The following MAGI2 variants were observed in gnomAD, a reference collection of about 807,000 sequenced individuals.
MAGI2 encodes the protein membrane-associated guanylate kinase, WW and PDZ domain-containing protein 2.
MAGI2 carries 35 observed loss-of-function variants against 133.3 expected under a neutral mutation model. The ratio of observed to expected loss-of-function variants is 0.26; its 90% CI spans 0.20 to 0.35. The LOEUF is 0.35. Among genes scored for constraint, MAGI2 ranks in the 10% least tolerant of loss-of-function variants. MAGI2 has a pLI of 1.00. For synonymous variants in MAGI2, 729 were observed against 710.6 expected (o/e 1.03, Z -0.41); for missense variants, 1,636 against 1,863.4 (o/e 0.88, Z 2.25).
intron 2 of MAGI2, among the ~76,000 whole-genome samples, chr7:78,793,206 G>C (rs1787319654): frequency 6.6e-6 from 1 of 152,326 alleles, no homozygotes; most frequent in East Asian, 1.9e-4. Context: ...GGGTGTAGAG[G>C]AGAGACTCCA....
intron 3 of MAGI2, chr7:78,614,654 T>C (rs1287070628): frequency 1.3e-5 from 2 of 152,340 alleles, no homozygotes; most frequent in Admixed American, 6.5e-5. Context: ...ATAGAATGCA[T>C]TTCTGATATA....
chr7:79,411,862 A>T (rs1039572058), intron 1 of MAGI2: 2 of 152,004 alleles, frequency 1.3e-5, no homozygotes, highest in Non-Finnish European at 2.9e-5. Flanking sequence ...GAAAGGAAAA[A>T]TTGAATACTA....
At chr7:79,048,161 T>C (rs78469578) in intron 1 of MAGI2, among the ~76,000 whole-genome samples, 4,187 of 152,246 alleles carry the variant, frequency 0.028, 198 homozygotes, top group African/African-American at 0.096. Context: ...CACTTGTGGG[T>C]TAATTTATAA....
At chr7:78,089,072 C>A (rs778993514) in intron 20 of MAGI2, among the ~76,000 whole-genome samples, 1 of 152,178 alleles carries the variant, frequency 6.6e-6, no homozygotes, top group Non-Finnish European at 1.5e-5. Flanking sequence ...GTTCCTACCC[C>A]AGAGTCTCCA....
At chr7:78,276,133 TCAG>T (rs1367217271) in intron 9 of MAGI2, among the ~76,000 whole-genome samples, 1 of 152,154 alleles carries the variant, frequency 6.6e-6, no homozygotes, top group Non-Finnish European at 1.5e-5. Context: ...AAAAATACAG[TCAG>T]CAGATCATAA....
chr7:79,310,318 G>A (rs2129560579), intron 1 of MAGI2, among the ~76,000 whole-genome samples: 1 of 151,608 alleles, frequency 6.6e-6, no homozygotes, highest in South Asian at 2.1e-4. Flanking sequence ...AGGGATGAAA[G>A]AACATAAGGC....
chr7:78,526,430 A>G (rs540879506), intron 3 of MAGI2, among the ~76,000 whole-genome samples: 37 of 152,348 alleles, frequency 2.4e-4, no homozygotes, highest in African/African-American at 8.4e-4. Context: ...ACTTGTGAAG[A>G]ATCATCTATA....
chr7:78,226,829 A>G (rs867789299), intron 10 of MAGI2, among the ~76,000 whole-genome samples: 3 of 152,348 alleles, frequency 2.0e-5, no homozygotes, highest in Middle Eastern at 6.8e-3. Flanking sequence ...TCAGATTGAC[A>G]CTTTTAACAG....
At chr7:78,986,500 C>T (rs1805276140) in intron 2 of MAGI2, among the ~76,000 whole-genome samples, 1 of 151,390 alleles carries the variant, frequency 6.6e-6, no homozygotes, top group Non-Finnish European at 1.5e-5. Flanking sequence ...TTTTTTTTTC[C>T]AATCTAGTAG....
At chr7:78,734,034 G>C (rs532229466) in intron 2 of MAGI2, among the ~76,000 whole-genome samples, 1 of 152,240 alleles carries the variant, frequency 6.6e-6, no homozygotes, top group South Asian at 2.1e-4. Context: ...CAACTATATG[G>C]ATTGAACCTA....
At chr7:79,032,125 G>C (rs1021825387) in intron 1 of MAGI2, among the ~76,000 whole-genome samples, 5 of 152,104 alleles carry the variant, frequency 3.3e-5, no homozygotes, top group African/African-American at 4.8e-5. Flanking sequence ...AGGAAAAATG[G>C]ATGGCAAATG....
At chr7:78,361,090 T>G (rs1038366321) in intron 7 of MAGI2, among the ~76,000 whole-genome samples, 8 of 141,018 alleles carry the variant, frequency 5.7e-5, no homozygotes, top group Non-Finnish European at 1.2e-4. Flanking sequence ...GGGCCTGATT[T>G]GTTAGATTCA....
chr7:78,841,098 C>T (rs1243017167), intron 2 of MAGI2, among the ~76,000 whole-genome samples: 1 of 151,982 alleles, frequency 6.6e-6, no homozygotes, highest in Non-Finnish European at 1.5e-5. Flanking sequence ...CATGTAACGG[C>T]TGACTTCTCC....
At position 78,236,033 on chromosome 7, in the gene MAGI2, T is replaced by G. The variant is rs531502240; in HGVS notation, c.2047+19910A>C. On this transcript the variant is annotated intron_variant, in intron 10 of 21. Transcript: ENST00000354212. ...AATTCAGGTAAGACTGTATGTTTTT[T>G]TTTTTTTTTTTCTGAGTGAGGGCAC... is the stretch of plus-strand genomic sequence containing the variant. Among the ~76,000 whole-genome samples, 569 of 151,984 alleles carry G rather than the reference T, an allele frequency of 3.7e-3. 5 individuals carry two copies. The highest frequency in any genetic ancestry group is 0.012 in the African/African-American group (498 of 41,468).
Position 78,461,301 on chromosome 7 carries a change from T to C in MAGI2, c.1045+28460A>G, listed in dbSNP as rs1021044362. On this transcript the variant is annotated intron_variant, in intron 6 of 21. Coordinates refer to ENST00000354212, the MANE Select transcript of MAGI2 (RefSeq NM_012301.4). ...CTCTAAGAGAGGGTTTGTTTCCTTATTGGTTTACATTTTGGTGAGTAATTT... is the reference window on the plus strand; with the variant it reads ...CTCTAAGAGAGGGTTTGTTTCCTTACTGGTTTACATTTTGGTGAGTAATTT... 6.6e-5 allele frequency among the ~76,000 whole-genome samples: 10 copies of C among 152,238 alleles called. No individual in the cohort carries two copies. The East Asian group carries it at 7.7e-4, about 12-fold the overall frequency.
At chr7:79,418,998 C>T (rs2129177958) in intron 1 of MAGI2, among the ~76,000 whole-genome samples, 1 of 151,932 alleles carries the variant, frequency 6.6e-6, no homozygotes, top group African/African-American at 2.4e-5. Flanking sequence ...AATGCCATTC[C>T]TAGACAGATA....
intron 2 of MAGI2, among the ~76,000 whole-genome samples, chr7:78,691,932 C>T (rs1465246118): frequency 4.6e-5 from 7 of 152,124 alleles, no homozygotes; most frequent in African/African-American, 1.4e-4. Flanking sequence ...TCAGTAAAGG[C>T]TTATCGATTG....
At chr7:78,908,294 C>A (rs1798134926) in intron 2 of MAGI2, among the ~76,000 whole-genome samples, 1 of 152,126 alleles carries the variant, frequency 6.6e-6, no homozygotes, top group African/African-American at 2.4e-5. Flanking sequence ...AACTATGACA[C>A]CAAAGTCTCT....
chr7:79,183,278 T>C (rs1826774981), intron 1 of MAGI2, among the ~76,000 whole-genome samples: 1 of 151,870 alleles, frequency 6.6e-6, no homozygotes, highest in Non-Finnish European at 1.5e-5. Flanking sequence ...GATAATTATA[T>C]ATATTATGTA....
Sources: gnomAD v4.1 joint callset for allele counts (sites outside exome capture counted in the v4.1 genomes callset) on GRCh38, gnomAD v4.1.1 for gene constraint, MANE v1.5 for transcripts, NCBI Gene and HGNC (gene_info 2026-07-23, HGNC 2026-07-21) for gene names.